Variants in CREB1 observed in about 807,000 individuals in gnomAD.
The protein encoded by CREB1 is cyclic AMP-responsive element-binding protein 1.
A neutral mutation model predicts 42.0 loss-of-function variants in CREB1; 2 were observed. The ratio of observed to expected loss-of-function variants is 0.05; its 90% CI spans 0.02 to 0.15. CREB1 has a LOEUF of 0.15. Ranked by LOEUF, CREB1 falls within the 10% of genes least tolerant of loss-of-function variation. The pLI, the probability that CREB1 is intolerant of heterozygous loss-of-function variation, is 1.00. For missense variants in CREB1, 199 were observed against 388.9 expected (o/e 0.51, Z 4.11); for synonymous variants, 123 against 139.9 (o/e 0.88, Z 0.85).
chr2:207,567,438 A>G, intron 3 of CREB1, 25 bp from the exon 4 acceptor site: 4 of 1,520,858 alleles, frequency 2.6e-6, no homozygotes, highest in Non-Finnish European at 2.7e-6. Flanking sequence ...TTGATTATCA[A>G]TATGAAGTTT....
chr2:207,593,474 G>A (rs1040817508), intron 7 of CREB1, among the ~76,000 whole-genome samples: 1 of 152,188 alleles, frequency 6.6e-6, no homozygotes, highest in Admixed American at 6.5e-5. Context: ...AGGCTGCAGT[G>A]AGCCCTCATT....
At position 207,597,277 on chromosome 2, in the gene CREB1, C is replaced by T. The variant is rs2086332723; in HGVS notation, c.*219C>T. On this transcript the variant is annotated 3_prime_UTR_variant, in exon 8 of 8. Transcript: ENST00000353267. Reference sequence around the variant, plus strand: ...TCTCCCCTCAAGAAATTTTCAACGCCAGGAATCATGAAGAGACTTCTGCTT... The same window carrying T: ...TCTCCCCTCAAGAAATTTTCAACGCTAGGAATCATGAAGAGACTTCTGCTT... 2.2e-6 allele frequency: 1 copy of T among 454,966 alleles called. No individual in the cohort carries two copies. Among genetic ancestry groups the T allele is most frequent in the Non-Finnish European group, 3.8e-6 (1 of 264,834 alleles). 28.2% of individuals were successfully genotyped at this position (454,966 alleles called of 1,614,324 possible). A position where few individuals can be genotyped will look rare whatever the true frequency, so the allele number is the denominator to read the frequency against.
At chr2:207,553,826 T>C (rs1024122363) in intron 1 of CREB1, among the ~76,000 whole-genome samples, 1 of 152,248 alleles carries the variant, frequency 6.6e-6, no homozygotes, top group African/African-American at 2.4e-5. Context: ...TACAAAATTC[T>C]GTTTCTCTGT....
chr2:207,532,325 G>GAAAAA (rs1244936579), intron 1 of CREB1, among the ~76,000 whole-genome samples: 1 of 117,298 alleles, frequency 8.5e-6, no homozygotes, highest in Non-Finnish European at 1.8e-5. Flanking sequence ...CCGTCTCAAA[G>GAAAAA]AAAAAAAAAA....
intron 1 of CREB1, among the ~76,000 whole-genome samples, chr2:207,530,358 G>T (rs1022581964): frequency 2.0e-5 from 3 of 149,836 alleles, no homozygotes; most frequent in African/African-American, 7.3e-5. Flanking sequence ...CAGCGACTCT[G>T]CCTGCAGCCA....
chr2:207,576,724 C>A, intron 6 of CREB1: 1 of 1,195,690 alleles, frequency 8.4e-7, no homozygotes, highest in South Asian at 1.7e-5. Context: ...ATCTTTTCCA[C>A]TCAAACCATA....
At chr2:207,587,317 C>T (rs1307692941) in intron 7 of CREB1, among the ~76,000 whole-genome samples, 6 of 150,616 alleles carry the variant, frequency 4.0e-5, no homozygotes, top group Non-Finnish European at 7.4e-5. Flanking sequence ...GGCGTGAACC[C>T]GGAAGGCAGA....
intron 1 of CREB1, among the ~76,000 whole-genome samples, chr2:207,538,154 T>C (rs1438948319): frequency 6.6e-6 from 1 of 152,234 alleles, no homozygotes; most frequent in Non-Finnish European, 1.5e-5. Context: ...TTGGATGTTT[T>C]ATTAGGGATG....
At chr2:207,546,948 A>G (rs2081323625) in intron 1 of CREB1, among the ~76,000 whole-genome samples, 4 of 152,268 alleles carry the variant, frequency 2.6e-5, no homozygotes, top group Admixed American at 2.6e-4. Context: ...ATAATAGTCC[A>G]CATAGTTCCA....
chr2:207,535,755 T>C (rs1054055954), intron 1 of CREB1, among the ~76,000 whole-genome samples: 17 of 151,886 alleles, frequency 1.1e-4, no homozygotes, highest in African/African-American at 2.7e-4. Flanking sequence ...CTTTTTTTTT[T>C]CCTCTAGCTT....
intron 7 of CREB1, among the ~76,000 whole-genome samples, chr2:207,595,742 AT>A (rs1301848959): frequency 3.3e-5 from 5 of 151,384 alleles, no homozygotes; most frequent in Non-Finnish European, 7.4e-5. Flanking sequence ...ATTTTTAAAA[AT>A]TTTTTTTTAG....
At chr2:207,569,742 A>G (rs1012345103) in intron 4 of CREB1, among the ~76,000 whole-genome samples, 1 of 151,782 alleles carries the variant, frequency 6.6e-6, no homozygotes, top group Admixed American at 6.6e-5. Flanking sequence ...CATGTAATTT[A>G]TATATTTTAA....
chr2:207,544,596 G>A (rs2081228096), intron 1 of CREB1, among the ~76,000 whole-genome samples: 1 of 152,268 alleles, frequency 6.6e-6, no homozygotes, highest in African/African-American at 2.4e-5. Flanking sequence ...TGTGCAGGAT[G>A]TGCAGGTTTG....
intron 7 of CREB1, among the ~76,000 whole-genome samples, chr2:207,591,581 C>T (rs59594447): frequency 0.073 from 11,075 of 151,982 alleles, 750 homozygotes; most frequent in East Asian, 0.23. Context: ...TACAGGTGTG[C>T]GCCACCACAC....
At chr2:207,588,216 G>A (rs1293620407) in intron 7 of CREB1, among the ~76,000 whole-genome samples, 2 of 152,128 alleles carry the variant, frequency 1.3e-5, no homozygotes, top group Non-Finnish European at 2.9e-5. Flanking sequence ...GTTTACTTTT[G>A]TATAAGGTGT....
In CREB1 at chr2:207,560,304, C is replaced by G; in HGVS notation, c.193C>G (p.Gln65Glu). ...LVQLPNGQTVQVHGVIQAAQP... is the reference protein window; with the variant it reads ...LVQLPNGQTVEVHGVIQAAQP... The stretch of plus-strand genomic sequence containing the variant: ...ACAGCTGCCCAATGGGCAGACAGTT[C>G]AAGTCCATGGAGTCATTCAGGCGGC... Residue 65 changes from glutamine to glutamate, a missense_variant, in exon 3 of 8, where the codon CAA becomes GAA. Physicochemically the swap from Gln to Glu is conservative, Grantham distance 29 (BLOSUM62 2). Transcript: ENST00000353267. 3 of 1,614,054 alleles carry G rather than the reference C, an allele frequency of 1.9e-6. No homozygotes were observed. In the East Asian group the frequency reaches 6.7e-5, roughly 36 times the overall value.
intron 1 of CREB1, chr2:207,550,705 C>G (rs1193701720): frequency 4.6e-5 from 7 of 152,086 alleles, no homozygotes; most frequent in Admixed American, 4.6e-4. Flanking sequence ...TGTTAACTTG[C>G]TATAGGTAGT....
At chr2:207,543,675 T>G (rs1302291745) in intron 1 of CREB1, among the ~76,000 whole-genome samples, 1 of 152,176 alleles carries the variant, frequency 6.6e-6, no homozygotes, top group Non-Finnish European at 1.5e-5. Flanking sequence ...CTATCTTGGC[T>G]CACTGCAGCC....
chr2:207,547,499 T>TA (rs756511427), intron 1 of CREB1, among the ~76,000 whole-genome samples: 42 of 152,108 alleles, frequency 2.8e-4, no homozygotes, highest in Non-Finnish European at 5.3e-4. Flanking sequence ...CTTTTTTTCT[T>TA]AAAAAAATGA....
Sources: gnomAD v4.1 joint callset for allele counts (sites outside exome capture counted in the v4.1 genomes callset) on GRCh38, gnomAD v4.1.1 for gene constraint, MANE v1.5 for transcripts, NCBI Gene and HGNC (gene_info 2026-07-23, HGNC 2026-07-21) for gene names.